Variants in MRPL19 observed in about 807,000 individuals in gnomAD.
MRPL19 encodes mitochondrial ribosomal protein L19, also known as large ribosomal subunit protein bL19m.
Under a neutral mutation model 34.0 loss-of-function variants are expected in MRPL19, and 31 were observed. That is an observed-to-expected ratio of 0.91 (90% CI 0.68 to 1.23). The LOEUF (loss-of-function observed/expected upper bound fraction) is 1.23, where lower values mean the gene tolerates loss of function less well. Among genes scored for constraint, MRPL19 ranks in the 50% most tolerant of loss-of-function variants. MRPL19 has a pLI of 0.00. For missense variants in MRPL19, 384 were observed against 367.6 expected, an observed-to-expected ratio of 1.04 and a Z score of -0.37; for synonymous variants, 152 against 127.7, an observed-to-expected ratio of 1.19 and a Z score of -1.28.
In MRPL19 at chr2:75,646,879, T is replaced by C; in HGVS notation, c.72T>C (p.Thr24=). Residue 24 remains threonine (T), a synonymous_variant, in exon 1 of 6, where the codon ACT becomes ACC. Coordinates refer to ENST00000393909, the MANE Select transcript of MRPL19 (RefSeq NM_014763.4). ...GCCGGAGTTTCCAAGCCGCCAGGAC[T>C]CTGCTCCCCCCGCCGGCCTCTATCG... is the stretch of plus-strand genomic sequence containing the variant. ...GLGRSFQAAR[T]LLPPPASIAC... 1 of 1,595,658 alleles carries C rather than the reference T, an allele frequency of 6.3e-7. No homozygotes were observed. The highest frequency in any genetic ancestry group is 8.5e-7 in the Non-Finnish European group (1 of 1,171,622).
chr2:75,657,149 T>G lies in MRPL19; in HGVS notation c.*1864T>G, dbSNP rs1442148623. ...CAAATTTCTTTCTGTATTTATTTTT[T>G]GTTGTCTATATTTCAGACTTTTCCA... On this transcript the variant is annotated 3_prime_UTR_variant, in exon 6 of 6. Coordinates refer to ENST00000393909, the MANE Select transcript of MRPL19 (RefSeq NM_014763.4). 6.6e-6 allele frequency: 1 copy of G among 152,170 alleles called. No homozygotes were observed. The highest frequency in any genetic ancestry group is 1.9e-4 in the East Asian group (1 of 5,198). 9.4% of individuals were successfully genotyped at this position (152,170 alleles called of 1,614,324 possible).
At position 75,657,730 on chromosome 2, in the gene MRPL19, C is replaced by T. The variant is rs1375922640; in HGVS notation, c.*2445C>T. On this transcript the variant is annotated 3_prime_UTR_variant, in exon 6 of 6. Transcript: ENST00000393909. ...CAAATGTATGATCAGCTTGTAAGTA[C>T]AGGTGCTCAAAAACATGTAAACAAT... is the stretch of plus-strand genomic sequence containing the variant. The T allele has an allele frequency of 1.3e-5, 2 of 152,036 alleles. No homozygotes were observed. Among genetic ancestry groups the T allele is most frequent in the Non-Finnish European group, 2.9e-5 (2 of 67,990 alleles). 9.4% of individuals were successfully genotyped at this position (152,036 alleles called of 1,614,324 possible). A position where few individuals can be genotyped will look rare whatever the true frequency, so the allele number is the denominator to read the frequency against.
Position 75,657,723 on chromosome 2 carries a change from G to GT in MRPL19, c.*2439dup, listed in dbSNP as rs1327290651. On this transcript the variant is annotated 3_prime_UTR_variant, in exon 6 of 6. Coordinates refer to ENST00000393909, the MANE Select transcript of MRPL19 (RefSeq NM_014763.4). ...AGCTCTGCAAATGTATGATCAGCTT[G>GT]TAAGTACAGGTGCTCAAAAACATGT... is the stretch of plus-strand genomic sequence containing the variant. 1 of 152,078 alleles carries GT rather than the reference G, an allele frequency of 6.6e-6. No individual in the cohort carries two copies. Among genetic ancestry groups the GT allele is most frequent in the East Asian group, 1.9e-4 (1 of 5,174 alleles). 9.4% of individuals were successfully genotyped at this position (152,078 alleles called of 1,614,324 possible).
intron 4 of MRPL19, 151 bp downstream of exon 4, chr2:75,652,808 G>T (rs924910227): frequency 1.0e-5 from 8 of 802,948 alleles, no homozygotes; most frequent in African/African-American, 8.8e-5. Flanking sequence ...AATGGATTGA[G>T]ATTTGAAGTT....
In MRPL19 at chr2:75,647,176, C is replaced by T; in HGVS notation, c.178C>T (p.Pro60Ser). 1 of 1,580,748 alleles carries T rather than the reference C, an allele frequency of 6.3e-7. No homozygotes were observed. The highest frequency in any genetic ancestry group is 8.6e-7 in the Non-Finnish European group (1 of 1,162,888). ...CGGTGCGTTCCAACCGCCGCCGAAA[C>T]CGGTCATCGTGGACAAGCACCGCCC... ...EPGAFQPPPK[P>S]VIVDKHRPVE... The change falls in exon 2 of 6, where the codon CCG becomes TCG. Residue 60 changes from proline to serine, a missense_variant. Transcript: ENST00000393909.
rs991246944 is a variant in MRPL19 at position 75,662,195 on chromosome 2, A to G, written c.*6910A>G. Reference sequence around the variant, plus strand: ...TTACTTTCCAGGAATAAACCCTATTATCTTTTTTATACATTGCTGGATTTG... The same window carrying G: ...TTACTTTCCAGGAATAAACCCTATTGTCTTTTTTATACATTGCTGGATTTG... On this transcript the variant is annotated 3_prime_UTR_variant, in exon 6 of 6. Coordinates refer to ENST00000393909, the MANE Select transcript of MRPL19 (RefSeq NM_014763.4). The G allele has an allele frequency of 2.0e-4, 31 of 152,274 alleles. No homozygotes were observed. The highest frequency in any genetic ancestry group is 7.5e-4 in the African/African-American group (31 of 41,566). The allele number at this position is 152,274 out of a possible 1,614,324, so 9.4% of individuals were successfully genotyped here. A position where few individuals can be genotyped will look rare whatever the true frequency, so the allele number is the denominator to read the frequency against.
Position 75,656,901 on chromosome 2 carries a change from CTTA to C in MRPL19, c.*1617_*1619del, listed in dbSNP as rs1464998142. The C allele has an allele frequency of 6.6e-6, 1 of 152,072 alleles. No homozygotes were observed. Among genetic ancestry groups the C allele is most frequent in the Non-Finnish European group, 1.5e-5 (1 of 67,992 alleles). The allele number at this position is 152,072 out of a possible 1,614,324, so 9.4% of individuals were successfully genotyped here. A position where few individuals can be genotyped will look rare whatever the true frequency, so the allele number is the denominator to read the frequency against. On this transcript the variant is annotated 3_prime_UTR_variant, in exon 6 of 6. Coordinates refer to ENST00000393909, the MANE Select transcript of MRPL19 (RefSeq NM_014763.4). ...ATATCCAGCACTGGGTATCTATTTTCTTACCTCCCTCCCTTGACCCCAGTCTCT... is the reference window on the plus strand; with the variant it reads ...ATATCCAGCACTGGGTATCTATTTTCCCTCCCTCCCTTGACCCCAGTCTCT...
Position 75,648,662 on chromosome 2 carries a change from A to G in MRPL19, c.221+1443A>G, listed in dbSNP as rs527726717. The stretch of plus-strand genomic sequence containing the variant: ...ATCACGAAGTCAGGAGTTCGAGACC[A>G]GCCTGGCCAACATGGCGAAACCCCC... On this transcript the variant is annotated intron_variant, in intron 2 of 5. Transcript: ENST00000393909. Among the ~76,000 whole-genome samples the G allele has an allele frequency of 2.7e-4, 41 of 152,106 alleles. 1 individual carries two copies. In the South Asian group the frequency reaches 8.5e-3, roughly 32 times the overall value.
intron 2 of MRPL19, among the ~76,000 whole-genome samples, chr2:75,649,687 C>G (rs1219501659): frequency 6.6e-6 from 1 of 152,146 alleles, no homozygotes; most frequent in African/African-American, 2.4e-5. Context: ...GTCATCCAGG[C>G]TGGAGTGCAG....
chr2:75,647,258 C>G, intron 2 of MRPL19, 39 bp downstream of exon 2: 5 of 1,538,664 alleles, frequency 3.2e-6, no homozygotes, highest in Non-Finnish European at 4.4e-6. Context: ...CAACTGGGGT[C>G]GGTGCGCGCG....
chr2:75,647,115 G>C lies in MRPL19; in HGVS notation c.117G>C (p.Gly39=), dbSNP rs1314464549. 1 of 1,586,616 alleles carries C rather than the reference G, an allele frequency of 6.3e-7. No homozygotes were observed. The highest frequency in any genetic ancestry group is 8.6e-7 in the Non-Finnish European group (1 of 1,165,920). ...PASIACRVHA[G]PVRQQSTGPS... is the part of the protein sequence containing the mutation. ...CCGCTCCCGCAGGGGTCCACGCGGG[G>C]CCTGTCCGGCAGCAGAGCACTGGGC... The change falls in exon 2 of 6, where the codon GGG becomes GGC. Residue 39 remains glycine, a synonymous_variant. Coordinates refer to ENST00000393909, the MANE Select transcript of MRPL19 (RefSeq NM_014763.4).
At position 75,646,829 on chromosome 2, in the gene MRPL19, G is replaced by A. The variant is rs564056626; in HGVS notation, c.22G>A (p.Gly8Arg). 3.2e-6 allele frequency: 5 copies of A among 1,573,716 alleles called. No individual in the cohort carries two copies. The African/African-American group carries it at 5.4e-5, about 17-fold the overall frequency. Residue 8 changes from glycine (G) to arginine (R), a missense_variant, in exon 1 of 6, where the codon GGG becomes AGG. By Grantham distance (125) the Gly-to-Arg change is moderately radical (BLOSUM62 -2). Transcript: ENST00000393909. MAACIAA[G>R]HWAAMGLGRS... is the part of the protein sequence containing the mutation. ...TGGCATGGCGGCCTGCATTGCAGCG[G>A]GGCACTGGGCTGCAATGGGCCTAGG...
chr2:75,659,418 T>C lies in MRPL19; in HGVS notation c.*4133T>C, dbSNP rs1427310092. Reference sequence around the variant, plus strand: ...AAAGTGGAGTTAGAAAACAGTATGATAGTAATACTGACTTTTATATTTGTC... The same window carrying C: ...AAAGTGGAGTTAGAAAACAGTATGACAGTAATACTGACTTTTATATTTGTC... On this transcript the variant is annotated 3_prime_UTR_variant, in exon 6 of 6. Coordinates refer to ENST00000393909, the MANE Select transcript of MRPL19 (RefSeq NM_014763.4). Among the ~76,000 whole-genome samples the C allele has an allele frequency of 6.6e-6, 1 of 152,150 alleles. No individual in the cohort carries two copies. Among genetic ancestry groups the C allele is most frequent in the Non-Finnish European group, 1.5e-5 (1 of 68,012 alleles).
rs923479175 is a variant in MRPL19 at position 75,657,666 on chromosome 2, T to C, written c.*2381T>C. 2 of 152,144 alleles carry C rather than the reference T, an allele frequency of 1.3e-5. No homozygotes were observed. Among genetic ancestry groups the C allele is most frequent in the African/African-American group, 4.8e-5 (2 of 41,436 alleles). 9.4% of individuals were successfully genotyped at this position (152,144 alleles called of 1,614,324 possible). ...TAAACACACTTCAATCTTGGTAGAA[T>C]GGTAGATGGGACAGTATATTTTAGG... On this transcript the variant is annotated 3_prime_UTR_variant, in exon 6 of 6. Transcript: ENST00000393909.
intron 2 of MRPL19, among the ~76,000 whole-genome samples, chr2:75,649,428 A>G (rs78376708): frequency 6.6e-6 from 1 of 151,950 alleles, no homozygotes. Context: ...TTTTTTTTTA[A>G]GCTTACCAGC....
At position 75,655,469 on chromosome 2, in the gene MRPL19, A is replaced by G; in HGVS notation, c.*184A>G. 3.9e-6 allele frequency: 2 copies of G among 512,054 alleles called. No individual in the cohort carries two copies. Among genetic ancestry groups the G allele is most frequent in the Non-Finnish European group, 3.4e-6 (1 of 296,080 alleles). 31.7% of individuals were successfully genotyped at this position (512,054 alleles called of 1,614,324 possible). A position where few individuals can be genotyped will look rare whatever the true frequency, so the allele number is the denominator to read the frequency against. ...AGTTTATTACTCTAAAAAGAGAATT[A>G]CACATGCCAAATGGACCAATGTCCA... is the stretch of plus-strand genomic sequence containing the variant. On this transcript the variant is annotated 3_prime_UTR_variant, in exon 6 of 6. Transcript: ENST00000393909.
At chr2:75,648,559 A>G (rs1356656313) in intron 2 of MRPL19, among the ~76,000 whole-genome samples, 3 of 152,202 alleles carry the variant, frequency 2.0e-5, no homozygotes, top group Non-Finnish European at 4.4e-5. Flanking sequence ...TGCTATTTTT[A>G]TGAAGTTTTA....
rs1678541657 is a variant in MRPL19 at position 75,659,201 on chromosome 2, A to T, written c.*3916A>T. Among the ~76,000 whole-genome samples, 1 of 151,206 alleles carries T rather than the reference A, an allele frequency of 6.6e-6. No homozygotes were observed. The highest frequency in any genetic ancestry group is 2.4e-5 in the African/African-American group (1 of 41,110). ...TGTTTTATTTGTGGTTGCTATGGGG[A>T]TTATAGTTAACATCCTACACTTAAA... On this transcript the variant is annotated 3_prime_UTR_variant, in exon 6 of 6. Coordinates refer to ENST00000393909, the MANE Select transcript of MRPL19 (RefSeq NM_014763.4).
In MRPL19 at chr2:75,652,568, A is replaced by G; in HGVS notation, c.386A>G (p.Lys129Arg). The G allele has an allele frequency of 1.9e-6, 3 of 1,613,980 alleles. No individual in the cohort carries two copies. Among genetic ancestry groups the G allele is most frequent in the Non-Finnish European group, 2.5e-6 (3 of 1,179,898 alleles). Residue 129 changes from lysine to arginine, a missense_variant, in exon 4 of 6, where the codon AAA becomes AGA. Physicochemically the swap from Lys to Arg is conservative, Grantham distance 26. Transcript: ENST00000393909. ...VTTADPYASGKISQFLGICIQ... is the reference protein window; with the variant it reads ...VTTADPYASGRISQFLGICIQ... The stretch of plus-strand genomic sequence containing the variant: ...ACAGCTGACCCATATGCCAGTGGAA[A>G]AATCAGCCAGTTTCTGGGGATTTGC...
Sources: allele counts gnomAD v4.1 joint callset (sites outside exome capture counted in the v4.1 genomes callset), GRCh38; gene constraint gnomAD v4.1.1; transcripts MANE v1.5; gene names NCBI Gene and HGNC (gene_info 2026-07-23, HGNC 2026-07-21).